Variants in DLD observed in about 807,000 individuals in gnomAD.
The protein encoded by DLD is dihydrolipoyl dehydrogenase, mitochondrial.
In DLD, 36 loss-of-function variants were observed where a neutral mutation model predicts 62.2. That is an observed-to-expected ratio of 0.58 (90% CI 0.44 to 0.76). The LOEUF (loss-of-function observed/expected upper bound fraction) is 0.76. Among genes scored for constraint, DLD ranks in the 30% least tolerant of loss-of-function variants. The probability of loss-of-function intolerance (pLI) is 0.00; values close to 1 mark genes in which losing one functional copy is unlikely to be tolerated. For missense variants in DLD, 541 were observed against 608.6 expected, an observed-to-expected ratio of 0.89 and a Z score of 1.17; for synonymous variants, 204 against 199.6, an observed-to-expected ratio of 1.02 and a Z score of -0.19.
chr7:107,915,666 C>T lies in DLD; in HGVS notation c.845C>T (p.Thr282Ile), dbSNP rs773450030. 6.8e-6 allele frequency: 11 copies of T among 1,613,600 alleles called. No individual in the cohort carries two copies. The highest frequency in any genetic ancestry group is 6.8e-6 in the Non-Finnish European group (8 of 1,179,774). The change falls in exon 9 of 14, where the codon ACC becomes ATC. Residue 282 changes from threonine (T) to isoleucine (I), a missense_variant. Transcript: ENST00000205402. ...FKLNTKVTGA[T>I]KKSDGKIDVS... The stretch of plus-strand genomic sequence containing the variant: ...TTGAATACAAAGGTTACTGGTGCTA[C>T]CAAGAAGTCAGATGGAAAAATTGAT...
intron 8 of DLD, among the ~76,000 whole-genome samples, chr7:107,911,179 C>A (rs1034457982): frequency 2.0e-5 from 3 of 152,132 alleles, no homozygotes; most frequent in Admixed American, 1.3e-4. Context: ...CCCCTGGAAA[C>A]CACTAATTCT....
intron 1 of DLD, among the ~76,000 whole-genome samples, chr7:107,891,931 A>T (rs1470112561): frequency 1.3e-5 from 2 of 152,330 alleles, no homozygotes; most frequent in Non-Finnish European, 2.9e-5. Context: ...AATTGTGTGT[A>T]TGTGGCACCG....
intron 11 of DLD, 119 bp from the exon 12 acceptor site, chr7:107,917,805 G>A (rs1381637122): frequency 1.1e-5 from 14 of 1,313,308 alleles, no homozygotes; most frequent in South Asian, 8.5e-5. Flanking sequence ...TTCCTTCTAT[G>A]TGCTTTGCGA....
chr7:107,891,563 C>T (rs766899704), intron 1 of DLD: 1 of 587,284 alleles, frequency 1.7e-6, no homozygotes, highest in South Asian at 2.0e-5. Flanking sequence ...ACCCCCAAGC[C>T]TGGGCCGAGG....
At chr7:107,899,113 G>A (rs893157888) in intron 2 of DLD, among the ~76,000 whole-genome samples, 1 of 152,006 alleles carries the variant, frequency 6.6e-6, no homozygotes, top group African/African-American at 2.4e-5. Context: ...TGTGCTTACA[G>A]TACCACATAT....
Position 107,912,050 on chromosome 7 carries a change from T to G in DLD, c.685-3456T>G, listed in dbSNP as rs113962275. Among the ~76,000 whole-genome samples the G allele has an allele frequency of 7.5e-3, 1,135 of 152,164 alleles. 16 individuals carry two copies. The highest frequency in any genetic ancestry group is 0.026 in the African/African-American group (1,066 of 41,530). On this transcript the variant is annotated intron_variant, in intron 8 of 13. Transcript: ENST00000205402. ...CTCCATGAGTTCAGTTTGTTTGTTT[T>G]TTTTTTTAGCTCCCACATGTTAGAA... is the stretch of plus-strand genomic sequence containing the variant.
intron 2 of DLD, among the ~76,000 whole-genome samples, chr7:107,901,399 A>G (rs2031871606): frequency 6.6e-6 from 1 of 152,156 alleles, no homozygotes; most frequent in Non-Finnish European, 1.5e-5. Context: ...CTTCATACAT[A>G]CTTGTCTTCC....
chr7:107,894,837 G>A (rs2031678354), intron 2 of DLD, among the ~76,000 whole-genome samples: 1 of 152,224 alleles, frequency 6.6e-6, no homozygotes, highest in South Asian at 2.1e-4. Flanking sequence ...TTGAGTGGAT[G>A]CAGTAACAAG....
At chr7:107,904,537 C>T in intron 5 of DLD, 1 of 368,552 alleles carries the variant, frequency 2.7e-6, no homozygotes, top group Non-Finnish European at 5.2e-6. Flanking sequence ...TAATGTTAAG[C>T]TTCTGTATTT....
intron 8 of DLD, among the ~76,000 whole-genome samples, chr7:107,913,104 C>T (rs565823549): frequency 6.6e-5 from 10 of 152,054 alleles, no homozygotes; most frequent in Non-Finnish European, 1.2e-4. Context: ...ATGAGTTAGC[C>T]GAAAATGTGT....
At chr7:107,897,067 T>C (rs2031745359) in intron 2 of DLD, among the ~76,000 whole-genome samples, 1 of 152,162 alleles carries the variant, frequency 6.6e-6, no homozygotes, top group Admixed American at 6.5e-5. Context: ...ACTCCTGACC[T>C]CAGGGGATCC....
At chr7:107,905,613 T>C in intron 7 of DLD, 109 bp downstream of exon 7, 4 of 1,218,832 alleles carry the variant, frequency 3.3e-6, no homozygotes, top group South Asian at 2.5e-5. Flanking sequence ...TGAAATACTA[T>C]ATTTTGATGG....
At chr7:107,917,185 A>G in intron 10 of DLD, 88 bp from the exon 11 acceptor site, 1 of 1,491,778 alleles carries the variant, frequency 6.7e-7, no homozygotes, top group Non-Finnish European at 9.3e-7. Context: ...TGACTTGTTT[A>G]CTGGAAACTT....
chr7:107,912,774 C>T (rs1294757527), intron 8 of DLD, among the ~76,000 whole-genome samples: 5 of 151,986 alleles, frequency 3.3e-5, no homozygotes, highest in African/African-American at 4.8e-5. Flanking sequence ...GGACTGTTTC[C>T]TTGGCTGTGC....
intron 2 of DLD, among the ~76,000 whole-genome samples, chr7:107,900,018 C>T (rs1242238218): frequency 1.3e-5 from 2 of 151,770 alleles, no homozygotes; most frequent in Non-Finnish European, 2.9e-5. Flanking sequence ...TAATTCTGAA[C>T]CGAAATCAGT....
intron 2 of DLD, among the ~76,000 whole-genome samples, chr7:107,899,793 TG>T (rs1402265809): frequency 6.6e-6 from 1 of 151,974 alleles, no homozygotes; most frequent in Non-Finnish European, 1.5e-5. Flanking sequence ...GTGGATGGGT[TG>T]TTTTTTTTTT....
chr7:107,892,912 A>G (rs1451647786), intron 1 of DLD, among the ~76,000 whole-genome samples: 1 of 152,230 alleles, frequency 6.6e-6, no homozygotes, highest in African/African-American at 2.4e-5. Context: ...TGAAAATTGA[A>G]TAAAAATACC....
intron 8 of DLD, among the ~76,000 whole-genome samples, chr7:107,913,487 A>G (rs993012172): frequency 1.3e-5 from 2 of 148,636 alleles, no homozygotes; most frequent in East Asian, 1.9e-4. Flanking sequence ...TATATTCATT[A>G]TAGCTATTGC....
Position 107,917,266 on chromosome 7 carries a change from G to T in DLD, c.1047-7G>T. On this transcript the variant is annotated splice_polypyrimidine_tract_variant and splice_region_variant and intron_variant, in intron 10 of 13. Coordinates refer to ENST00000205402, the MANE Select transcript of DLD (RefSeq NM_000108.5). ...ATTCATTGTGTTTCTTTTGATTTCT[G>T]TGGTAGTATCTATGCCATTGGTGAT... 6.2e-7 allele frequency: 1 copy of T among 1,613,936 alleles called. No individual in the cohort carries two copies. Among genetic ancestry groups the T allele is most frequent in the South Asian group, 1.1e-5 (1 of 91,080 alleles).
Sources: gnomAD v4.1 joint callset for allele counts (sites outside exome capture counted in the v4.1 genomes callset) on GRCh38, gnomAD v4.1.1 for gene constraint, MANE v1.5 for transcripts, NCBI Gene and HGNC (gene_info 2026-07-23, HGNC 2026-07-21) for gene names.